Variants in GRM8 observed in about 807,000 individuals in gnomAD.
The protein encoded by GRM8 is metabotropic glutamate receptor 8.
Under a neutral mutation model 87.2 loss-of-function variants are expected in GRM8, and 47 were observed. The observed-to-expected ratio is 0.54, with a 90% CI of 0.43 to 0.69. The LOEUF (loss-of-function observed/expected upper bound fraction) is 0.69, where lower values mean the gene tolerates loss of function less well. GRM8 is among the 30% of genes least tolerant of loss of function. The probability of loss-of-function intolerance (pLI) is 0.00; values close to 1 mark genes in which losing one functional copy is unlikely to be tolerated. For missense variants in GRM8, 1,019 were observed against 1,139.2 expected (o/e 0.89, Z 1.52); for synonymous variants, 396 against 404.5 (o/e 0.98, Z 0.25).
chr7:126,530,433 C>G (rs1814610279), intron 9 of GRM8, among the ~76,000 whole-genome samples: 1 of 152,218 alleles, frequency 6.6e-6, no homozygotes, highest in African/African-American at 2.4e-5. Flanking sequence ...TGACTTTGAG[C>G]CTGGCACCTT....
chr7:127,204,553 A>G (rs1055285413), intron 2 of GRM8, among the ~76,000 whole-genome samples: 8 of 152,170 alleles, frequency 5.3e-5, no homozygotes, highest in Non-Finnish European at 1.2e-4. Flanking sequence ...CTTTATTTCC[A>G]TGATGCTCCT....
intron 6 of GRM8, among the ~76,000 whole-genome samples, chr7:126,806,297 C>T (rs1249567837): frequency 1.3e-5 from 2 of 152,168 alleles, no homozygotes; most frequent in African/African-American, 2.4e-5. Context: ...CCAGTGGGTT[C>T]GTGGTCTCGC....
At chr7:127,244,826 A>C (rs1798500137) in intron 1 of GRM8, among the ~76,000 whole-genome samples, 1 of 152,192 alleles carries the variant, frequency 6.6e-6, no homozygotes. Flanking sequence ...CAGATTAGAA[A>C]AGAGGGCTCA....
rs188663976 is a variant in GRM8, at chr7:126,840,458, T to C, written c.1156+62084A>G. 1.7e-3 allele frequency among the ~76,000 whole-genome samples: 255 copies of C among 152,268 alleles called. 1 individual carries two copies. The highest frequency in any genetic ancestry group is 6.0e-3 in the African/African-American group (250 of 41,524). ...ACTTTGATGATACAGTATTTTCATC[T>C]TTTATTGGAAAAGAATTTATTGCTA... On this transcript the variant is annotated intron_variant, in intron 6 of 10. Transcript: ENST00000339582.
intron 7 of GRM8, among the ~76,000 whole-genome samples, chr7:126,634,238 A>G (rs1200659295): frequency 3.9e-5 from 6 of 152,266 alleles, no homozygotes; most frequent in Non-Finnish European, 7.4e-5. Flanking sequence ...ATGTATCTGC[A>G]AAAATAAAAA....
At chr7:127,159,059 A>T (rs1396884741) in intron 2 of GRM8, among the ~76,000 whole-genome samples, 1 of 152,210 alleles carries the variant, frequency 6.6e-6, no homozygotes, top group East Asian at 1.9e-4. Flanking sequence ...TCCTCCTTGC[A>T]TTCAGGTTTG....
At chr7:126,630,105 A>C (rs1419483) in intron 7 of GRM8, among the ~76,000 whole-genome samples, 9,432 of 151,200 alleles carry the variant, frequency 0.062, 566 homozygotes, top group East Asian at 0.31. Context: ...AAAGCCTTAA[A>C]AAATTAAAAA....
intron 7 of GRM8, among the ~76,000 whole-genome samples, chr7:126,759,740 G>C (rs1817396557): frequency 6.6e-6 from 1 of 152,038 alleles, no homozygotes; most frequent in South Asian, 2.1e-4. Flanking sequence ...ATTTTTGTAA[G>C]ATGACCCAAG....
At chr7:127,064,165 T>C (rs1409118757) in intron 3 of GRM8, among the ~76,000 whole-genome samples, 1 of 152,222 alleles carries the variant, frequency 6.6e-6, no homozygotes, top group East Asian at 1.9e-4. Flanking sequence ...TGAGTTTAGG[T>C]CTTGAATATC....
At chr7:126,601,344 G>C in intron 8 of GRM8, among the ~76,000 whole-genome samples, 1 of 152,066 alleles carries the variant, frequency 6.6e-6, no homozygotes, top group Non-Finnish European at 1.5e-5. Flanking sequence ...TTGGACATTT[G>C]GGTTGGTTCC....
At chr7:126,937,718 C>T (rs1806483800) in intron 3 of GRM8, among the ~76,000 whole-genome samples, 1 of 152,192 alleles carries the variant, frequency 6.6e-6, no homozygotes, top group Admixed American at 6.5e-5. Context: ...ATGCTGTTTG[C>T]CTCCTCCTCT....
At chr7:126,632,418 T>A (rs1005329613) in intron 7 of GRM8, among the ~76,000 whole-genome samples, 1 of 152,154 alleles carries the variant, frequency 6.6e-6, no homozygotes, top group Admixed American at 6.6e-5. Flanking sequence ...ACAGGAACAC[T>A]TTTACACTGT....
At chr7:126,575,566 G>A (rs1373846073) in intron 8 of GRM8, among the ~76,000 whole-genome samples, 1 of 151,772 alleles carries the variant, frequency 6.6e-6, no homozygotes, top group Non-Finnish European at 1.5e-5. Context: ...CTGCTATAGG[G>A]AATAAAATAA....
At chr7:126,923,668 G>T (rs1315615161) in intron 3 of GRM8, among the ~76,000 whole-genome samples, 3 of 152,164 alleles carry the variant, frequency 2.0e-5, no homozygotes, top group East Asian at 1.9e-4. Flanking sequence ...GTAGGTATTT[G>T]CAGTCATGTA....
intron 3 of GRM8, among the ~76,000 whole-genome samples, chr7:127,049,864 A>G (rs1214510602): frequency 6.6e-6 from 1 of 152,086 alleles, no homozygotes; most frequent in Non-Finnish European, 1.5e-5. Context: ...AAGGAAAGAG[A>G]AGGGCTTGTG....
chr7:126,553,373 T>C (rs1441020014), intron 8 of GRM8, among the ~76,000 whole-genome samples: 2 of 152,186 alleles, frequency 1.3e-5, no homozygotes, highest in Non-Finnish European at 2.9e-5. Flanking sequence ...ACATATTCTG[T>C]TGGGTTATTT....
At chr7:127,048,192 G>T (rs1819128985) in intron 3 of GRM8, among the ~76,000 whole-genome samples, 1 of 152,096 alleles carries the variant, frequency 6.6e-6, no homozygotes, top group Non-Finnish European at 1.5e-5. Flanking sequence ...TTGTGTAAAG[G>T]ATATTCAGCA....
chr7:126,733,533 A>G (rs1228076620), intron 7 of GRM8, among the ~76,000 whole-genome samples: 1 of 151,108 alleles, frequency 6.6e-6, no homozygotes, highest in Non-Finnish European at 1.5e-5. Flanking sequence ...AGTTCTCAAT[A>G]AAATACTAAA....
chr7:127,069,488 A>T (rs959716843), intron 3 of GRM8, among the ~76,000 whole-genome samples: 23 of 152,202 alleles, frequency 1.5e-4, no homozygotes, highest in Non-Finnish European at 3.1e-4. Context: ...TAATTTAAAA[A>T]AAAAAGAAAT....
Sources: gnomAD v4.1 joint callset for allele counts (sites outside exome capture counted in the v4.1 genomes callset) on GRCh38, gnomAD v4.1.1 for gene constraint, MANE v1.5 for transcripts, NCBI Gene and HGNC (gene_info 2026-07-23, HGNC 2026-07-21) for gene names.